The following MTFR1 variants were observed in gnomAD, a reference collection of about 807,000 sequenced individuals.
The protein encoded by MTFR1 is mitochondrial fission regulator 1, also known as chondrocyte protein with a poly-proline region.
Under a neutral mutation model 38.8 loss-of-function variants are expected in MTFR1, and 28 were observed. The ratio of observed to expected loss-of-function variants is 0.72; its 90% confidence interval spans 0.53 to 0.99. The LOEUF (loss-of-function observed/expected upper bound fraction) is 0.99. Ranked by LOEUF, MTFR1 falls within the 50% of genes least tolerant of loss-of-function variation. The pLI is 0.00. For missense variants in MTFR1, 358 were observed against 395.5 expected (o/e 0.91, Z 0.81); for synonymous variants, 145 against 137.0 (o/e 1.06, Z -0.41).
At chr8:65,770,093 C>A (rs1809004851) in intron 3 of MTFR1, among the ~76,000 whole-genome samples, 1 of 150,864 alleles carries the variant, frequency 6.6e-6, no homozygotes. Flanking sequence ...GCATTGTTAA[C>A]ATTTGTCTTA....
At chr8:65,713,261 T>C (rs377706568), downstream of MTFR1, among the ~76,000 whole-genome samples, 1 of 151,972 alleles carries the variant, frequency 6.6e-6, no homozygotes, top group East Asian at 1.9e-4. Context: ...GCCAACATGG[T>C]GAAACCCTGT....
intron 3 of MTFR1, among the ~76,000 whole-genome samples, chr8:65,693,025 C>G (rs569644882): frequency 6.6e-6 from 1 of 151,728 alleles, no homozygotes; most frequent in South Asian, 2.1e-4. Context: ...CTACACATAC[C>G]TTTTAAAATC....
At chr8:65,708,942 A>G (rs1407002356) in intron 7 of MTFR1, 34 bp from the exon 8 acceptor site, 1 of 1,605,178 alleles carries the variant, frequency 6.2e-7, no homozygotes, top group Admixed American at 1.7e-5. Flanking sequence ...TACTTGAACC[A>G]ATATCTTTAT....
intron 3 of MTFR1, among the ~76,000 whole-genome samples, chr8:65,741,717 G>A (rs768433225): frequency 4.5e-4 from 68 of 152,194 alleles, no homozygotes; most frequent in Non-Finnish European, 8.8e-4. Context: ...TGTTGCTATT[G>A]CTGTAACAAC....
At chr8:65,764,064 A>G (rs1232381185) in intron 3 of MTFR1, among the ~76,000 whole-genome samples, 1 of 152,216 alleles carries the variant, frequency 6.6e-6, no homozygotes, top group Non-Finnish European at 1.5e-5. Flanking sequence ...CTGCACATAC[A>G]TGGGGCAGAA....
rs1004533134 is a variant in MTFR1 at position 65,762,413 on chromosome 8, C to T, written c.*49-8534C>T. Among the ~76,000 whole-genome samples, 4 of 152,116 alleles carry T rather than the reference C, an allele frequency of 2.6e-5. No individual in the cohort carries two copies. In the East Asian group the frequency reaches 5.8e-4, roughly 22 times the overall value. ...AGCAATGGTCATTAGTAGAGCAGCA[C>T]GTGCTGACATGGAGAGGCAGAGCAG... On this transcript the variant is annotated intron_variant, in intron 3 of 3. Coordinates refer to the MTFR1 transcript ENST00000521247.
chr8:65,706,186 A>C (rs956048451), intron 5 of MTFR1, among the ~76,000 whole-genome samples: 34 of 152,192 alleles, frequency 2.2e-4, no homozygotes, highest in African/African-American at 6.3e-4. Context: ...CTCCACTCCT[A>C]CCTTTTTCTT....
At chr8:65,674,719 G>A (rs1004031130) in intron 2 of MTFR1, among the ~76,000 whole-genome samples, 3 of 152,082 alleles carry the variant, frequency 2.0e-5, no homozygotes, top group African/African-American at 7.2e-5. Context: ...CATTGTCTTT[G>A]ACTCTGCACA....
chr8:65,672,635 C>A (rs1411894308), intron 2 of MTFR1, among the ~76,000 whole-genome samples: 1 of 152,132 alleles, frequency 6.6e-6, no homozygotes, highest in Non-Finnish European at 1.5e-5. Flanking sequence ...CTCAGCCTCC[C>A]AAGTAGCTGA....
In MTFR1 at chr8:65,662,714, C is replaced by T. The variant is rs1374245986; in HGVS notation, c.-80-7159C>T. Among the ~76,000 whole-genome samples, 2 of 136,600 alleles carry T rather than the reference C, an allele frequency of 1.5e-5. 1 individual carries two copies. The highest frequency in any genetic ancestry group is 5.3e-5 in the African/African-American group (2 of 37,886). 89.6% of individuals were successfully genotyped at this position (136,600 alleles called of 152,430 possible). A position where few individuals can be genotyped will look rare whatever the true frequency, so the allele number is the denominator to read the frequency against. On this transcript the variant is annotated intron_variant, in intron 1 of 7. Coordinates refer to ENST00000262146, the MANE Select transcript of MTFR1 (RefSeq NM_014637.4). ...GGAGCCCCTCCGCCCGGCAGCCACA[C>T]CGTCTGAGAAGTGAGGAGCCCCTCC...
chr8:65,737,810 T>C (rs1457286250), intron 3 of MTFR1, among the ~76,000 whole-genome samples: 1 of 152,164 alleles, frequency 6.6e-6, no homozygotes, highest in Non-Finnish European at 1.5e-5. Flanking sequence ...TGAGCCACCA[T>C]GCCCAGCATG....
At chr8:65,724,155 C>G in intron 3 of MTFR1, 1 of 678,948 alleles carries the variant, frequency 1.5e-6, no homozygotes, top group Admixed American at 2.3e-5. Context: ...TGTCAAGACT[C>G]TACTGCTAGA....
At chr8:65,722,905 A>G (rs1199667863) in intron 3 of MTFR1, 2 of 152,216 alleles carry the variant, frequency 1.3e-5, no homozygotes, top group Non-Finnish European at 2.9e-5. Flanking sequence ...TCTTCAAGAA[A>G]AATAACTCTA....
chr8:65,736,042 C>T (rs1807115316), intron 3 of MTFR1, among the ~76,000 whole-genome samples: 1 of 152,180 alleles, frequency 6.6e-6, no homozygotes. Context: ...CCTATTTATA[C>T]TATGTTTTTC....
At chr8:65,742,637 G>C (rs1271595367) in intron 3 of MTFR1, among the ~76,000 whole-genome samples, 2 of 152,194 alleles carry the variant, frequency 1.3e-5, no homozygotes, top group East Asian at 1.9e-4. Flanking sequence ...ATTCACTTCA[G>C]GTGAAGCAGT....
At chr8:65,666,405 C>CAAAACA (rs769586410) in intron 1 of MTFR1, among the ~76,000 whole-genome samples, 1 of 152,192 alleles carries the variant, frequency 6.6e-6, no homozygotes, top group South Asian at 2.1e-4. Flanking sequence ...GACTTTGTCT[C>CAAAACA]AAAACAAAAA....
intron 4 of MTFR1, 74 bp from the exon 5 acceptor site, chr8:65,704,620 C>T (rs779553617): frequency 6.7e-5 from 82 of 1,222,372 alleles, no homozygotes; most frequent in Non-Finnish European, 9.2e-5. Flanking sequence ...AATGCGGATA[C>T]ACTGTCAGGT....
chr8:65,693,373 G>C (rs998541752), intron 3 of MTFR1, among the ~76,000 whole-genome samples: 1 of 151,786 alleles, frequency 6.6e-6, no homozygotes, highest in African/African-American at 2.4e-5. Flanking sequence ...CTGCACTCCA[G>C]CCTGGGCGAC....
intron 3 of MTFR1, among the ~76,000 whole-genome samples, chr8:65,738,853 A>T (rs185165905): frequency 3.7e-4 from 56 of 152,340 alleles, no homozygotes; most frequent in Non-Finnish European, 6.5e-4. Context: ...AAAGTACAGA[A>T]ATTGTGTCAT....
Sources: gnomAD v4.1 joint callset for allele counts (sites outside exome capture counted in the v4.1 genomes callset) on GRCh38, gnomAD v4.1.1 for gene constraint, MANE v1.5 for transcripts, NCBI Gene and HGNC (gene_info 2026-07-23, HGNC 2026-07-21) for gene names.